Variants in GABRA3 observed in about 807,000 individuals in gnomAD.
GABRA3 encodes the protein gamma-aminobutyric acid receptor subunit alpha-3.
A neutral mutation model predicts 30.1 loss-of-function variants in GABRA3; 10 were observed. The observed-to-expected ratio is 0.33, with a 90% CI of 0.20 to 0.56. GABRA3 has a LOEUF of 0.56. GABRA3 is among the 20% of genes least tolerant of loss of function. GABRA3 has a pLI of 0.89. For missense variants in GABRA3, 233 were observed against 392.0 expected, an observed-to-expected ratio of 0.59 and a Z score of 3.42; for synonymous variants, 151 against 146.8, an observed-to-expected ratio of 1.03 and a Z score of -0.21.
intron 5 of GABRA3, among the ~76,000 whole-genome samples, chrX:152,229,573 G>A (rs145868800): frequency 9.1e-6 from 1 of 110,174 alleles, no homozygotes; most frequent in Non-Finnish European, 1.9e-5. Flanking sequence ...AGTTAGAAGG[G>A]GTAGCAGTGC....
intron 5 of GABRA3, among the ~76,000 whole-genome samples, chrX:152,243,435 G>T (rs144000225): frequency 0.024 from 2,724 of 111,843 alleles, 44 homozygotes; most frequent in Middle Eastern, 0.066. Flanking sequence ...AAGACATTCT[G>T]TTGTACACCA....
chrX:152,254,934 T>TC (rs1282110116), intron 5 of GABRA3, among the ~76,000 whole-genome samples: 1 of 111,941 alleles, frequency 8.9e-6, no homozygotes, highest in African/African-American at 3.2e-5. Context: ...AGAATGTTTT[T>TC]CAGTATTGGG....
rs189631795 is a variant in GABRA3, at chrX:152,395,499, C to T, written c.-26-30903G>A. On this transcript the variant is annotated intron_variant, in intron 1 of 9. Transcript: ENST00000370314. ...TTCAGGAGTGGTATCCATTCAGACG[C>T]ATGTCCCTATCCGATATCCACAATA... Among the ~76,000 whole-genome samples, 252 of 111,242 alleles carry T rather than the reference C, an allele frequency of 2.3e-3. 2 individuals are homozygous for T. Among genetic ancestry groups the T allele is most frequent in the Non-Finnish European group, 3.7e-3 (198 of 53,010 alleles).
At chrX:152,379,552 T>C (rs1460506086) in intron 1 of GABRA3, among the ~76,000 whole-genome samples, 1 of 111,075 alleles carries the variant, frequency 9.0e-6, no homozygotes, top group African/African-American at 3.3e-5. Context: ...AAGAATGAGA[T>C]TAAAATTAAA....
At chrX:152,174,185 T>C (rs1937041624) in intron 9 of GABRA3, among the ~76,000 whole-genome samples, 1 of 111,184 alleles carries the variant, frequency 9.0e-6, no homozygotes, top group African/African-American at 3.3e-5. Context: ...TAATCCAGTC[T>C]ATCATTGTTG....
chrX:152,450,259 C>CCCGCAG (rs1235690068), intron 1 of GABRA3, among the ~76,000 whole-genome samples: 3 of 110,275 alleles, frequency 2.7e-5, no homozygotes, highest in Non-Finnish European at 3.8e-5. Context: ...GCCCATGCCA[C>CCCGCAG]CCGCAGCCAC....
rs182680959 is a variant in GABRA3 at position 152,322,160 on chromosome X, A to C, written c.262+23421T>G. Among the ~76,000 whole-genome samples the C allele has an allele frequency of 2.6e-3, 298 of 112,668 alleles. 1 individual carries two copies. Among genetic ancestry groups the C allele is most frequent in the African/African-American group, 9.2e-3 (286 of 31,067 alleles). ...ATAGAATATTATTCATTCATAAAAA[A>C]GAATGACATACTGATACATGTACTG... On this transcript the variant is annotated intron_variant, in intron 3 of 9. Coordinates refer to ENST00000370314, the MANE Select transcript of GABRA3 (RefSeq NM_000808.4).
intron 1 of GABRA3, among the ~76,000 whole-genome samples, chrX:152,446,466 A>G (rs1931090031): frequency 9.1e-6 from 1 of 110,144 alleles, no homozygotes; most frequent in Admixed American, 9.6e-5. Flanking sequence ...CACCTTCATA[A>G]CACTGTACTC....
At chrX:152,258,028 T>C (rs912314532) in intron 4 of GABRA3, among the ~76,000 whole-genome samples, 2 of 111,399 alleles carry the variant, frequency 1.8e-5, no homozygotes, top group African/African-American at 6.5e-5. Context: ...TTGCTGAAAA[T>C]TACTTCACTG....
intron 3 of GABRA3, among the ~76,000 whole-genome samples, chrX:152,320,927 G>T (rs776539591): frequency 9.0e-6 from 1 of 111,199 alleles, no homozygotes; most frequent in African/African-American, 3.3e-5. Context: ...CCTGATAAAG[G>T]CTTGGGCCAA....
intron 5 of GABRA3, among the ~76,000 whole-genome samples, chrX:152,242,393 C>G (rs751327603): frequency 8.9e-6 from 1 of 111,854 alleles, no homozygotes; most frequent in Non-Finnish European, 1.9e-5. Flanking sequence ...GCATAGGCAA[C>G]AAAAGCAGAA....
At chrX:152,305,688 G>T (rs1301232826) in intron 3 of GABRA3, among the ~76,000 whole-genome samples, 1 of 111,149 alleles carries the variant, frequency 9.0e-6, no homozygotes, top group East Asian at 2.8e-4. Flanking sequence ...TGTCTTATTA[G>T]TGATGATTAT....
At chrX:152,276,205 C>A (rs926599675) in intron 4 of GABRA3, among the ~76,000 whole-genome samples, 2 of 111,484 alleles carry the variant, frequency 1.8e-5, no homozygotes, top group Non-Finnish European at 3.8e-5. Flanking sequence ...TTTGCTGATG[C>A]AGGTGGTGGC....
intron 2 of GABRA3, 60 bp from the exon 3 acceptor site, chrX:152,345,762 G>A: frequency 9.7e-7 from 1 of 1,032,257 alleles, no homozygotes; most frequent in Non-Finnish European, 1.3e-6. Flanking sequence ...AAAAATACAT[G>A]ACTAGATATC....
intron 5 of GABRA3, among the ~76,000 whole-genome samples, chrX:152,255,092 T>C (rs1286201141): frequency 9.0e-6 from 1 of 111,143 alleles, no homozygotes; most frequent in Non-Finnish European, 1.9e-5. Flanking sequence ...AAGTATGAAA[T>C]ATAATTTATA....
rs1930716485 is a variant in GABRA3 at position 152,434,061 on chromosome X, C to T, written c.-27+17085G>A. ...ACCTTGGCTCAACTGGTGAATTACA[C>T]CAAGTGTGATGGTCAATACTGAGTG... is the stretch of plus-strand genomic sequence containing the variant. On this transcript the variant is annotated intron_variant, in intron 1 of 9. Transcript: ENST00000370314. Among the ~76,000 whole-genome samples the T allele has an allele frequency of 2.7e-5, 3 of 111,356 alleles. No individual in the cohort carries two copies. In the Admixed American group the frequency reaches 2.9e-4, roughly 11 times the overall value.
At chrX:152,272,315 G>A (rs1323241885) in intron 4 of GABRA3, among the ~76,000 whole-genome samples, 1 of 112,514 alleles carries the variant, frequency 8.9e-6, no homozygotes, top group African/African-American at 3.2e-5. Context: ...CTAGATGTGA[G>A]ACATGAATTC....
intron 3 of GABRA3, among the ~76,000 whole-genome samples, chrX:152,298,841 A>G (rs1939581488): frequency 8.9e-6 from 1 of 112,171 alleles, no homozygotes; most frequent in Non-Finnish European, 1.9e-5. Context: ...AGTCCCACCA[A>G]CAGTATAAAA....
intron 1 of GABRA3, among the ~76,000 whole-genome samples, chrX:152,382,796 T>A: frequency 8.9e-6 from 1 of 111,762 alleles, no homozygotes; most frequent in East Asian, 2.8e-4. Context: ...CATTGCATGT[T>A]CTTGGCACCT....
Sources: allele counts gnomAD v4.1 joint callset (sites outside exome capture counted in the v4.1 genomes callset), GRCh38; gene constraint gnomAD v4.1.1; transcripts MANE v1.5; gene names NCBI Gene and HGNC (gene_info 2026-07-23, HGNC 2026-07-21).